ANKH: variants seen among roughly 807,000 people sequenced by gnomAD.
The protein encoded by ANKH is ANKH inorganic pyrophosphate transport regulator, also known as mineralization regulator ANKH.
ANKH carries 15 observed loss-of-function variants against 49.0 expected under a neutral mutation model. That is an observed-to-expected ratio of 0.31 (90% CI 0.20 to 0.47). The LOEUF (loss-of-function observed/expected upper bound fraction) is 0.47. ANKH is among the 20% of genes least tolerant of loss of function. The probability of loss-of-function intolerance (pLI) is 1.00; values close to 1 mark genes in which losing one functional copy is unlikely to be tolerated. For missense variants in ANKH, 429 were observed against 652.0 expected, an observed-to-expected ratio of 0.66 and a Z score of 3.72; for synonymous variants, 273 against 260.0, an observed-to-expected ratio of 1.05 and a Z score of -0.48.
At chr5:14,849,636 C>T (rs1480777010) in intron 1 of ANKH, among the ~76,000 whole-genome samples, 1 of 152,190 alleles carries the variant, frequency 6.6e-6, no homozygotes, top group Non-Finnish European at 1.5e-5. Context: ...ATCAGAAGTG[C>T]AGTCAGTCCA....
intron 11 of ANKH, among the ~76,000 whole-genome samples, chr5:14,712,251 G>GTCACTCTGCTGCCCCGGCCTGT (rs1287093677): frequency 1.3e-5 from 2 of 152,214 alleles, no homozygotes; most frequent in African/African-American, 4.8e-5. Context: ...TGGCCTGGCC[G>GTCACTCTGCTGCCCCGGCCTGT]TCACTCTGCT....
intron 8 of ANKH, among the ~76,000 whole-genome samples, chr5:14,729,716 T>C (rs1376986108): frequency 6.6e-6 from 1 of 151,912 alleles, no homozygotes; most frequent in African/African-American, 2.4e-5. Flanking sequence ...AATGGTGGGG[T>C]AGGCTCTGGC....
At chr5:14,819,898 T>TACACACACACAC (rs1188887631) in intron 1 of ANKH, among the ~76,000 whole-genome samples, 33 of 87,132 alleles carry the variant, frequency 3.8e-4, no homozygotes, top group African/African-American at 1.5e-3. Flanking sequence ...ACAACAAAAA[T>TACACACACACAC]ATACACACAC....
chr5:14,795,852 T>C (rs1453713350), intron 1 of ANKH, among the ~76,000 whole-genome samples: 1 of 147,842 alleles, frequency 6.8e-6, no homozygotes, highest in Non-Finnish European at 1.5e-5. Flanking sequence ...AGTGAGACTG[T>C]GTCTCAAAAA....
chr5:14,771,407 T>G (rs546843768), intron 1 of ANKH, among the ~76,000 whole-genome samples: 1 of 152,212 alleles, frequency 6.6e-6, no homozygotes, highest in African/African-American at 2.4e-5. Context: ...ACAGCTGATC[T>G]ACATAAACTG....
Position 14,711,403 on chromosome 5 carries a change from G to T in ANKH, c.1366-93C>A, listed in dbSNP as rs1737198143. 3.7e-6 allele frequency: 4 copies of T among 1,094,258 alleles called. No homozygotes were observed. In the East Asian group the frequency reaches 9.4e-5, roughly 26 times the overall value. 67.8% of individuals were successfully genotyped at this position (1,094,258 alleles called of 1,614,324 possible). A position where few individuals can be genotyped will look rare whatever the true frequency, so the allele number is the denominator to read the frequency against. The stretch of plus-strand genomic sequence containing the variant: ...GGGAGACAACACCGGGGTCTTGGGG[G>T]ACCCCTCACTGTAGGCTTAAACCTT... On this transcript the variant is annotated intron_variant, in intron 11 of 11. Transcript: ENST00000284268.
At position 14,785,773 on chromosome 5, in the gene ANKH, G is replaced by A. The variant is rs1306379408; in HGVS notation, c.97-16582C>T. 4.6e-5 allele frequency among the ~76,000 whole-genome samples: 7 copies of A among 152,068 alleles called. No homozygotes were observed. The East Asian group carries it at 5.8e-4, about 13-fold the overall frequency. On this transcript the variant is annotated intron_variant, in intron 1 of 11. Transcript: ENST00000284268. ...TTATTATTTAAAAGTAATCTGTATC[G>A]GCAGGGCGTGGTGGCTCACGCCTGT...
chr5:14,848,637 C>A (rs944370282), intron 1 of ANKH, among the ~76,000 whole-genome samples: 1 of 152,206 alleles, frequency 6.6e-6, no homozygotes, highest in Non-Finnish European at 1.5e-5. Flanking sequence ...CGCTCCCGAT[C>A]GGGCTGGGGC....
intron 1 of ANKH, among the ~76,000 whole-genome samples, chr5:14,833,063 C>T (rs1185361353): frequency 6.6e-6 from 1 of 152,182 alleles, no homozygotes; most frequent in Admixed American, 6.5e-5. Flanking sequence ...CCACAACCTG[C>T]ACTATTATTC....
At chr5:14,758,843 A>G (rs892848272) in intron 2 of ANKH, among the ~76,000 whole-genome samples, 5 of 152,228 alleles carry the variant, frequency 3.3e-5, no homozygotes, top group Admixed American at 1.3e-4. Flanking sequence ...CGTAAAAACG[A>G]GATTGTATTC....
chr5:14,807,039 A>C (rs185005147), intron 1 of ANKH, among the ~76,000 whole-genome samples: 1 of 152,198 alleles, frequency 6.6e-6, no homozygotes, highest in Admixed American at 6.5e-5. Context: ...CCAAGCATTA[A>C]ACTAACTGCC....
chr5:14,838,227 C>T (rs556638894), intron 1 of ANKH, among the ~76,000 whole-genome samples: 102 of 151,772 alleles, frequency 6.7e-4, no homozygotes, highest in Non-Finnish European at 1.1e-3. Flanking sequence ...CAAACCTGCA[C>T]GTTGTGCACA....
At chr5:14,796,833 G>T (rs376438871) in intron 1 of ANKH, among the ~76,000 whole-genome samples, 2 of 152,238 alleles carry the variant, frequency 1.3e-5, no homozygotes, top group South Asian at 4.1e-4. Flanking sequence ...TGGGGATATA[G>T]CATAAGAAGA....
chr5:14,710,854 A>T lies in ANKH; in HGVS notation c.*343T>A, dbSNP rs1236686258. On this transcript the variant is annotated 3_prime_UTR_variant, in exon 12 of 12. Coordinates refer to ENST00000284268, the MANE Select transcript of ANKH (RefSeq NM_054027.6). ...CAGGGTGACCGAGGCGCGATGGCAC[A>T]GCTGCAGTCCTTTGGTTCCAAGAGG... 2 of 356,878 alleles carry T rather than the reference A, an allele frequency of 5.6e-6. No individual in the cohort carries two copies. Among genetic ancestry groups the T allele is most frequent in the East Asian group, 1.4e-4 (2 of 13,968 alleles). The allele number at this position is 356,878 out of a possible 1,614,324, so 22.1% of individuals were successfully genotyped here.
chr5:14,793,037 A>ATATATAT (rs1554006446), intron 1 of ANKH, among the ~76,000 whole-genome samples: 130 of 56,178 alleles, frequency 2.3e-3, no homozygotes, highest in East Asian at 0.021. Context: ...TATATATAAA[A>ATATATAT]ATATATATAT....
At chr5:14,730,235 A>G (rs1210685599) in intron 8 of ANKH, among the ~76,000 whole-genome samples, 1 of 152,186 alleles carries the variant, frequency 6.6e-6, no homozygotes, top group East Asian at 1.9e-4. Context: ...CAGAAGCTGG[A>G]GCAGGGGGGC....
Position 14,724,550 on chromosome 5 carries a change from G to A in ANKH, c.1012-7715C>T, listed in dbSNP as rs945232315. 1.8e-5 allele frequency: 18 copies of A among 985,212 alleles called. No individual in the cohort carries two copies. The African/African-American group carries it at 2.8e-4, about 15-fold the overall frequency. 61.0% of individuals were successfully genotyped at this position (985,212 alleles called of 1,614,324 possible). A position where few individuals can be genotyped will look rare whatever the true frequency, so the allele number is the denominator to read the frequency against. The stretch of plus-strand genomic sequence containing the variant: ...CCAGCTTTACAGACAGAAGACCCCT[G>A]GGTCTTACTATGCTACAGTCCGAAA... On this transcript the variant is annotated intron_variant, in intron 8 of 11. Coordinates refer to ENST00000284268, the MANE Select transcript of ANKH (RefSeq NM_054027.6).
At chr5:14,778,436 A>G (rs980989446) in intron 1 of ANKH, among the ~76,000 whole-genome samples, 2 of 151,966 alleles carry the variant, frequency 1.3e-5, no homozygotes, top group African/African-American at 4.8e-5. Context: ...AGCCCACCCA[A>G]TGCCCTCTGA....
intron 2 of ANKH, among the ~76,000 whole-genome samples, chr5:14,761,085 C>G (rs706290): frequency 0.63 from 95,141 of 151,866 alleles, 30,320 homozygotes; most frequent in African/African-American, 0.69. Flanking sequence ...TGAAGATGAA[C>G]GCAGAAACCG....
Sources: gnomAD v4.1 joint callset for allele counts (sites outside exome capture counted in the v4.1 genomes callset) on GRCh38, gnomAD v4.1.1 for gene constraint, MANE v1.5 for transcripts, NCBI Gene and HGNC (gene_info 2026-07-23, HGNC 2026-07-21) for gene names.